The following FYTTD1 variants were observed in gnomAD, a reference collection of about 807,000 sequenced individuals.
FYTTD1 encodes the protein forty-two-three domain containing 1, also known as UAP56-interacting factor.
Under a neutral mutation model 40.9 loss-of-function variants are expected in FYTTD1, and 22 were observed. The ratio of observed to expected loss-of-function variants is 0.54; its 90% CI spans 0.38 to 0.77. FYTTD1 has a LOEUF of 0.77. Among genes scored for constraint, FYTTD1 ranks in the 30% least tolerant of loss-of-function variants. The pLI, the probability that FYTTD1 is intolerant of heterozygous loss-of-function variation, is 0.00. For missense variants in FYTTD1, 351 were observed against 392.2 expected (o/e 0.90, Z 0.89); for synonymous variants, 140 against 137.9 (o/e 1.01, Z -0.10).
At chr3:197,768,850 T>C (rs1729626889) in intron 3 of FYTTD1, among the ~76,000 whole-genome samples, 1 of 152,134 alleles carries the variant, frequency 6.6e-6, no homozygotes, top group African/African-American at 2.4e-5. Flanking sequence ...TGGAGTGCAG[T>C]GATGTGATCT....
chr3:197,783,357 C>G lies in FYTTD1; in HGVS notation c.*1448C>G. The G allele has an allele frequency of 6.5e-6, 1 of 152,698 alleles. No homozygotes were observed. Among genetic ancestry groups the G allele is most frequent in the African/African-American group, 2.4e-5 (1 of 41,544 alleles). The allele number at this position is 152,698 out of a possible 1,614,324, so 9.5% of individuals were successfully genotyped here. ...TTGACTTTTCCTGTAAAGCAGACAT[C>G]GTTCTTGGCCTGCCCTGCATTGTAT... On this transcript the variant is annotated 3_prime_UTR_variant, in exon 9 of 9. Transcript: ENST00000241502.
intron 2 of FYTTD1, among the ~76,000 whole-genome samples, chr3:197,759,337 T>A (rs1229862440): frequency 6.6e-6 from 1 of 151,524 alleles, no homozygotes; most frequent in Non-Finnish European, 1.5e-5. Flanking sequence ...AGTGGTAGAA[T>A]GTATACAGTT....
chr3:197,761,466 GAATGTATAA>G (rs1365948951), intron 2 of FYTTD1, among the ~76,000 whole-genome samples: 1 of 151,816 alleles, frequency 6.6e-6, no homozygotes, highest in East Asian at 1.9e-4. Flanking sequence ...TTCAGTGGTA[GAATGTATAA>G]AGTGTTCTTC....
Position 197,787,513 on chromosome 3 carries a change from CTATTAAGAT to C in FYTTD1, c.*5606_*5614del, listed in dbSNP as rs1730179058. ...TAGTGAAATGCAGAGCTGGAAAGAA[CTATTAAGAT>C]TTGAGTGAAACTTTTGCCCCCTGTG... On this transcript the variant is annotated 3_prime_UTR_variant, in exon 9 of 9. Transcript: ENST00000241502. 6.6e-6 allele frequency: 1 copy of C among 152,218 alleles called. No individual in the cohort carries two copies. Among genetic ancestry groups the C allele is most frequent in the South Asian group, 2.1e-4 (1 of 4,832 alleles). 9.4% of individuals were successfully genotyped at this position (152,218 alleles called of 1,614,324 possible). A position where few individuals can be genotyped will look rare whatever the true frequency, so the allele number is the denominator to read the frequency against.
At chr3:197,750,740 T>A (rs994355456) in intron 1 of FYTTD1, 6 of 985,382 alleles carry the variant, frequency 6.1e-6, no homozygotes, top group Non-Finnish European at 4.8e-6. Context: ...AGTCTCCCTC[T>A]CCAGGCCTCA....
At chr3:197,760,529 A>G (rs1304056711) in intron 2 of FYTTD1, among the ~76,000 whole-genome samples, 3 of 151,936 alleles carry the variant, frequency 2.0e-5, no homozygotes, top group Admixed American at 6.6e-5. Context: ...GGTAGAATGT[A>G]TAGAGTTGTT....
chr3:197,751,150 C>T (rs1729025043), intron 1 of FYTTD1, among the ~76,000 whole-genome samples: 1 of 152,186 alleles, frequency 6.6e-6, no homozygotes, highest in Non-Finnish European at 1.5e-5. Context: ...TTTCGGTTTT[C>T]ATTTCTTCCC....
rs200699998 is a variant in FYTTD1 at position 197,753,528 on chromosome 3, A to AT, written c.104-2883dup. 7.2e-3 allele frequency among the ~76,000 whole-genome samples: 1,033 copies of AT among 144,222 alleles called. 6 individuals carry two copies. Among genetic ancestry groups the AT allele is most frequent in the Non-Finnish European group, 9.0e-3 (589 of 65,404 alleles). The allele number at this position is 144,222 out of a possible 152,430, so 94.6% of individuals were successfully genotyped here. On this transcript the variant is annotated intron_variant, in intron 1 of 8. Transcript: ENST00000241502. Reference sequence around the variant, plus strand: ...AACTTAAAATAGCTCATTGTAAGGAATTTTTTTTTTTTTTTAATTCTGATA... The same window carrying AT: ...AACTTAAAATAGCTCATTGTAAGGAATTTTTTTTTTTTTTTTAATTCTGATA...
chr3:197,776,237 G>A (rs1729869573), intron 6 of FYTTD1, among the ~76,000 whole-genome samples: 1 of 144,070 alleles, frequency 6.9e-6, no homozygotes, highest in Admixed American at 7.2e-5. Context: ...ATGGAGTCTC[G>A]CTCTGTTGCC....
At chr3:197,755,317 C>CGTAA (rs1729180631) in intron 1 of FYTTD1, among the ~76,000 whole-genome samples, 1 of 152,198 alleles carries the variant, frequency 6.6e-6, no homozygotes, top group African/African-American at 2.4e-5. Context: ...TCAGTTACAG[C>CGTAA]ACAACCTGAC....
chr3:197,778,194 A>C, intron 7 of FYTTD1, 144 bp from the exon 8 acceptor site: 1 of 525,234 alleles, frequency 1.9e-6, no homozygotes, highest in Non-Finnish European at 3.3e-6. Context: ...AGTCTAGAGT[A>C]GCCAGTGAAA....
chr3:197,765,303 A>G (rs1729512577), intron 2 of FYTTD1, among the ~76,000 whole-genome samples: 1 of 151,950 alleles, frequency 6.6e-6, no homozygotes, highest in Non-Finnish European at 1.5e-5. Context: ...AAACTCACTT[A>G]TTCTTTTGGA....
chr3:197,761,650 A>G (rs547637893), intron 2 of FYTTD1, among the ~76,000 whole-genome samples: 2 of 152,240 alleles, frequency 1.3e-5, no homozygotes, highest in South Asian at 4.1e-4. Flanking sequence ...TAGAGTTCTC[A>G]AAATGTCGTC....
chr3:197,757,250 G>T (rs1030862581), intron 2 of FYTTD1, among the ~76,000 whole-genome samples: 9 of 152,118 alleles, frequency 5.9e-5, no homozygotes, highest in Non-Finnish European at 8.8e-5. Flanking sequence ...TTGATTGAAG[G>T]CAGTAATTGA....
rs1001734368 is a variant in FYTTD1, at chr3:197,774,217, T to C, written c.656+7T>C. 2.5e-6 allele frequency: 4 copies of C among 1,611,312 alleles called. No individual in the cohort carries two copies. The highest frequency in any genetic ancestry group is 3.3e-5 in the Admixed American group (2 of 59,978). Reference sequence around the variant, plus strand: ...TAGCAAAGAGAACTCGTCAGTAAGTTTCCATTTGTTTTTTAAGATGTTATT... The same window carrying C: ...TAGCAAAGAGAACTCGTCAGTAAGTCTCCATTTGTTTTTTAAGATGTTATT... On this transcript the variant is annotated splice_region_variant and intron_variant, in intron 6 of 8. Transcript: ENST00000241502.
In FYTTD1 at chr3:197,766,405, A is replaced by T. The variant is rs552327360; in HGVS notation, c.236-2034A>T. Among the ~76,000 whole-genome samples the T allele has an allele frequency of 2.6e-5, 3 of 115,736 alleles. No individual in the cohort carries two copies. In the South Asian group the frequency reaches 8.7e-4, roughly 34 times the overall value. 75.9% of individuals were successfully genotyped at this position (115,736 alleles called of 152,430 possible). A position where few individuals can be genotyped will look rare whatever the true frequency, so the allele number is the denominator to read the frequency against. On this transcript the variant is annotated intron_variant, in intron 2 of 8. Coordinates refer to ENST00000241502, the MANE Select transcript of FYTTD1 (RefSeq NM_032288.7). The stretch of plus-strand genomic sequence containing the variant: ...AAACATGGGATAATATTTTTGCAAT[A>T]TAGGTGTGTGTCGTGTTTGAGACTG...
intron 1 of FYTTD1, chr3:197,750,832 G>A: frequency 1.0e-6 from 1 of 985,480 alleles, no homozygotes; most frequent in Non-Finnish European, 1.2e-6. Context: ...GGTAAAGCGT[G>A]GGGTTCTTGA....
intron 2 of FYTTD1, among the ~76,000 whole-genome samples, chr3:197,761,117 G>T (rs775051964): frequency 6.7e-6 from 1 of 149,942 alleles, no homozygotes; most frequent in Non-Finnish European, 1.5e-5. Flanking sequence ...ACTGTATAGA[G>T]TGTTCTTCAG....
rs1402635166 is a variant in FYTTD1 at position 197,774,135 on chromosome 3, T to C, written c.595-14T>C. ...TGCTTTCTGTGGTACCTACTGCTTT[T>C]TTTTTCCCTTCAGGTGCAGGCCCAG... On this transcript the variant is annotated splice_polypyrimidine_tract_variant and intron_variant, in intron 5 of 8. Coordinates refer to ENST00000241502, the MANE Select transcript of FYTTD1 (RefSeq NM_032288.7). The C allele has an allele frequency of 2.5e-6, 4 of 1,612,564 alleles. No homozygotes were observed. Among genetic ancestry groups the C allele is most frequent in the Non-Finnish European group, 3.4e-6 (4 of 1,178,620 alleles).
Sources: gnomAD v4.1 joint callset for allele counts (sites outside exome capture counted in the v4.1 genomes callset) on GRCh38, gnomAD v4.1.1 for gene constraint, MANE v1.5 for transcripts, NCBI Gene and HGNC (gene_info 2026-07-23, HGNC 2026-07-21) for gene names.